ANP32A: variants seen among roughly 807,000 people sequenced by gnomAD.
ANP32A encodes the protein acidic nuclear phosphoprotein 32 family member A, also known as acidic leucine-rich nuclear phosphoprotein 32 family member A.
A neutral mutation model predicts 33.9 loss-of-function variants in ANP32A; 1 was observed. That is an observed-to-expected ratio of 0.03 (90% confidence interval 0.01 to 0.14). The LOEUF (loss-of-function observed/expected upper bound fraction) is 0.14, where lower values mean the gene tolerates loss of function less well. Ranked by LOEUF, ANP32A falls within the 10% of genes least tolerant of loss-of-function variation. The pLI is 1.00. For synonymous variants in ANP32A, 115 were observed against 120.5 expected (o/e 0.95, Z 0.30); for missense variants, 155 against 306.0 (o/e 0.51, Z 3.68).
chr15:68,810,566 G>A (rs28438939), intron 1 of ANP32A, among the ~76,000 whole-genome samples: 1,580 of 152,274 alleles, frequency 0.01, 32 homozygotes, highest in African/African-American at 0.036. Context: ...AGAGCAGCAC[G>A]CAGTACCTGC....
At chr15:68,797,472 C>T (rs1894078018) in intron 1 of ANP32A, among the ~76,000 whole-genome samples, 1 of 152,142 alleles carries the variant, frequency 6.6e-6, no homozygotes, top group African/African-American at 2.4e-5. Context: ...CTCAATCTTC[C>T]TAAAACGCTG....
chr15:68,780,301 T>C lies in ANP32A; in HGVS notation c.688+109A>G. The C allele has an allele frequency of 6.3e-7, 1 of 1,579,106 alleles. No homozygotes were observed. Among genetic ancestry groups the C allele is most frequent in the Non-Finnish European group, 8.6e-7 (1 of 1,163,526 alleles). ...ACAGCTGGAAGGGGAATCTGAGGCC[T>C]CTGACAGGAGTGTCCTGCCCACTGC... On this transcript the variant is annotated intron_variant, in intron 6 of 6. Transcript: ENST00000465139. This position sits in a 1 kb window ranked among gnomAD's most constrained non-coding sequence, Gnocchi z 4.3.
At chr15:68,817,494 G>C (rs1204455160) in intron 1 of ANP32A, 1 of 152,414 alleles carries the variant, frequency 6.6e-6, no homozygotes, top group African/African-American at 2.4e-5. Context: ...CTAGAGTCGC[G>C]TGCGCGACAC....
At chr15:68,795,917 G>C (rs565525102) in intron 1 of ANP32A, among the ~76,000 whole-genome samples, 23 of 152,242 alleles carry the variant, frequency 1.5e-4, no homozygotes, top group African/African-American at 5.3e-4. Context: ...AGCGTGTATA[G>C]CTCTTAAAAG....
chr15:68,815,157 G>A (rs1894363248), intron 1 of ANP32A, among the ~76,000 whole-genome samples: 1 of 152,138 alleles, frequency 6.6e-6, no homozygotes, highest in African/African-American at 2.4e-5. Flanking sequence ...GACTTAAAAA[G>A]ACCCTGAGAG....
intron 1 of ANP32A, among the ~76,000 whole-genome samples, chr15:68,799,693 T>C (rs1438468166): frequency 6.6e-6 from 1 of 152,032 alleles, no homozygotes; most frequent in African/African-American, 2.4e-5. Context: ...TTGGTCAGGG[T>C]CCCAAAACAC....
intron 3 of ANP32A, 43 bp downstream of exon 3, chr15:68,787,370 C>T: frequency 3.7e-6 from 6 of 1,613,376 alleles, no homozygotes; most frequent in African/African-American, 1.3e-5. Flanking sequence ...CAATTCCTCC[C>T]ACCTCCTACC....
chr15:68,812,973 A>C (rs1894332754), intron 1 of ANP32A: 1 of 152,252 alleles, frequency 6.6e-6, no homozygotes, highest in South Asian at 2.1e-4. Context: ...AAGAGCATCC[A>C]AGTCTTTAAT....
intron 1 of ANP32A, among the ~76,000 whole-genome samples, chr15:68,805,557 C>T (rs1894207489): frequency 6.6e-6 from 1 of 152,242 alleles, no homozygotes; most frequent in South Asian, 2.1e-4. Context: ...AGAGCAGTGG[C>T]CGGCTATTAT....
At chr15:68,812,093 G>A (rs1026968105) in intron 1 of ANP32A, among the ~76,000 whole-genome samples, 1 of 151,724 alleles carries the variant, frequency 6.6e-6, no homozygotes, top group African/African-American at 2.4e-5. Context: ...GTGTTCTAAC[G>A]GCAACAACAG....
chr15:68,790,819 T>G (rs945478466), intron 1 of ANP32A: 10 of 152,178 alleles, frequency 6.6e-5, no homozygotes, highest in African/African-American at 2.4e-4. Context: ...ATTCTACAAG[T>G]TCTTGGCTGT....
intron 1 of ANP32A, chr15:68,791,387 T>TA (rs1193349943): frequency 6.6e-6 from 1 of 152,316 alleles, no homozygotes; most frequent in African/African-American, 2.4e-5. Flanking sequence ...CCATGACTCT[T>TA]ACGACGGGTA....
At chr15:68,815,753 G>A (rs191850980) in intron 1 of ANP32A, among the ~76,000 whole-genome samples, 7 of 152,282 alleles carry the variant, frequency 4.6e-5, no homozygotes, top group South Asian at 2.1e-4. Flanking sequence ...GCGAGAACCC[G>A]GCTGTGCCAC....
chr15:68,782,634 T>C (rs1209695911), intron 5 of ANP32A: 1 of 327,996 alleles, frequency 3.0e-6, no homozygotes, highest in Non-Finnish European at 5.8e-6. Context: ...AATTAGCATA[T>C]GAAAGCAAAA....
chr15:68,785,044 G>A (rs1479857976), intron 3 of ANP32A, among the ~76,000 whole-genome samples: 1 of 152,162 alleles, frequency 6.6e-6, no homozygotes, highest in East Asian at 1.9e-4. Flanking sequence ...GATAAGGGCG[G>A]TTAACATGGC....
intron 1 of ANP32A, among the ~76,000 whole-genome samples, chr15:68,803,467 CCTA>C (rs1567037969): frequency 6.6e-6 from 1 of 152,172 alleles, no homozygotes; most frequent in African/African-American, 2.4e-5. Flanking sequence ...TAAAGCAGCA[CCTA>C]AGCCCCTAAT....
At chr15:68,794,086 A>T (rs953892501) in intron 1 of ANP32A, among the ~76,000 whole-genome samples, 2 of 152,186 alleles carry the variant, frequency 1.3e-5, no homozygotes, top group Non-Finnish European at 2.9e-5. Context: ...TCCTTTAGTG[A>T]CTATAATGTC....
intron 1 of ANP32A, among the ~76,000 whole-genome samples, chr15:68,796,928 T>G (rs79339673): frequency 9.9e-5 from 15 of 152,126 alleles, no homozygotes; most frequent in Non-Finnish European, 2.2e-4. Context: ...ACTCAGTCAC[T>G]GTTCCGGAAA....
intron 1 of ANP32A, among the ~76,000 whole-genome samples, chr15:68,811,030 C>T (rs567252025): frequency 4.1e-5 from 6 of 145,228 alleles, no homozygotes; most frequent in Admixed American, 7.1e-5. Flanking sequence ...ACTGCGCACT[C>T]CAACATGGGC....
Sources: gnomAD v4.1 joint callset for allele counts (sites outside exome capture counted in the v4.1 genomes callset) on GRCh38, gnomAD v4.1.1 for gene constraint, Gnocchi (gnomAD v3.1) non-coding constraint, MANE v1.5 for transcripts, NCBI Gene and HGNC (gene_info 2026-07-23, HGNC 2026-07-21) for gene names.